Variants in SCARB1 observed in about 807,000 individuals in gnomAD.
SCARB1 encodes the protein scavenger receptor class B member 1, also known as CD36 and LIMPII analogous 1.
SCARB1 carries 30 observed loss-of-function variants against 57.2 expected under a neutral mutation model. The observed-to-expected ratio is 0.52, with a 90% CI of 0.39 to 0.71. SCARB1 has a LOEUF of 0.71. Ranked by LOEUF, SCARB1 falls within the 30% of genes least tolerant of loss-of-function variation. SCARB1 has a pLI of 0.00. For missense variants in SCARB1, 543 were observed against 671.2 expected (o/e 0.81, Z 2.11); for synonymous variants, 249 against 268.3 (o/e 0.93, Z 0.70).
intron 1 of SCARB1, among the ~76,000 whole-genome samples, chr12:124,828,811 C>A (rs983917708): frequency 6.6e-6 from 1 of 152,222 alleles, no homozygotes; most frequent in Admixed American, 6.5e-5. Flanking sequence ...AATTCCTCCT[C>A]CTATGAGAAG....
chr12:124,808,371 T>C (rs1594257381), intron 6 of SCARB1, among the ~76,000 whole-genome samples: 1 of 152,204 alleles, frequency 6.6e-6, no homozygotes, highest in South Asian at 2.1e-4. Context: ...TCTGTGACCC[T>C]TTCTAGTCTA....
intron 1 of SCARB1, among the ~76,000 whole-genome samples, chr12:124,824,329 C>T (rs1951058181): frequency 6.6e-6 from 1 of 152,130 alleles, no homozygotes; most frequent in African/African-American, 2.4e-5. Flanking sequence ...TACGAAATGC[C>T]CAGAATAGGC....
rs1451650591 is a variant in SCARB1 at position 124,814,857 on chromosome 12, T to C, written c.426+116A>G. On this transcript the variant is annotated intron_variant, in intron 3 of 12. Transcript: ENST00000261693. The surrounding 1 kb of genome is among the most constrained non-coding windows in gnomAD (Gnocchi z 4.7). ...AGGGCCGAAAGCCACCCACCAGGCG[T>C]GAGTCCCCACGCTCCGACCACCTCA... 129 of 1,362,642 alleles carry C rather than the reference T, an allele frequency of 9.5e-5. No individual in the cohort carries two copies. Among genetic ancestry groups the C allele is most frequent in the Non-Finnish European group, 1.3e-4 (126 of 976,568 alleles). The allele number at this position is 1,362,642 out of a possible 1,614,324, so 84.4% of individuals were successfully genotyped here. A position where few individuals can be genotyped will look rare whatever the true frequency, so the allele number is the denominator to read the frequency against.
chr12:124,794,884 C>A (rs1949887548), intron 9 of SCARB1, among the ~76,000 whole-genome samples: 1 of 152,084 alleles, frequency 6.6e-6, no homozygotes, highest in Non-Finnish European at 1.5e-5. Context: ...GAGCCAATAT[C>A]CCGCCCTTGC....
rs1372592824 is a variant in SCARB1 at position 124,859,371 on chromosome 12, C to CA, written c.126+4223dup. 9.0e-4 allele frequency among the ~76,000 whole-genome samples: 134 copies of CA among 148,508 alleles called. 1 individual carries two copies. The highest frequency in any genetic ancestry group is 2.7e-3 in the African/African-American group (108 of 40,596). On this transcript the variant is annotated intron_variant, in intron 1 of 12. Transcript: ENST00000261693. ...TGAAACCCCATCTCTACTAAAAATA[C>CA]AAAAAAAAAATTAGCTGGGTGTGGT...
Position 124,796,606 on chromosome 12 carries a change from C to G in SCARB1, c.1129-1338G>C, listed in dbSNP as rs184816116. 6.9e-4 allele frequency among the ~76,000 whole-genome samples: 105 copies of G among 152,292 alleles called. No homozygotes were observed. Among genetic ancestry groups the G allele is most frequent in the African/African-American group, 2.5e-3 (105 of 41,542 alleles). On this transcript the variant is annotated intron_variant, in intron 8 of 12. Coordinates refer to ENST00000261693, the MANE Select transcript of SCARB1 (RefSeq NM_005505.5). This position sits in a 1 kb window ranked among gnomAD's most constrained non-coding sequence, Gnocchi z 4.0. ...CTCTCCCGACCTGACAGAATTTTTG[C>G]AAGAGCAAAAGTAAGGTATGCAAGA...
chr12:124,863,533 C>G, intron 1 of SCARB1, 62 bp downstream of exon 1: 6 of 1,554,636 alleles, frequency 3.9e-6, no homozygotes, highest in Non-Finnish European at 5.2e-6. Context: ...CGGGTCCTCC[C>G]GGCGCCCAGC....
chr12:124,795,306 C>T (rs764640671), intron 8 of SCARB1, 38 bp from the exon 9 acceptor site: 3 of 1,554,788 alleles, frequency 1.9e-6, no homozygotes, highest in Non-Finnish European at 2.7e-6. Context: ...TGGCCACCCC[C>T]AAGCTCCAGG....
At chr12:124,837,472 AAAGG>A (rs199725164) in intron 1 of SCARB1, among the ~76,000 whole-genome samples, 12,123 of 72,440 alleles carry the variant, frequency 0.17, 860 homozygotes, top group Non-Finnish European at 0.25. Context: ...AGAAAGAAAG[AAAGG>A]AAGGAAGGAA....
At chr12:124,793,692 C>CAAAAAA (rs71092224) in intron 9 of SCARB1, among the ~76,000 whole-genome samples, 11 of 51,514 alleles carry the variant, frequency 2.1e-4, no homozygotes, top group African/African-American at 4.9e-4. Flanking sequence ...GACTCCGTCT[C>CAAAAAA]AAAAAAAAAA....
chr12:124,826,707 G>A (rs1271271151), intron 1 of SCARB1, among the ~76,000 whole-genome samples: 2 of 151,934 alleles, frequency 1.3e-5, no homozygotes, highest in Non-Finnish European at 2.9e-5. Context: ...AGATCCACTC[G>A]CTTCAGCCTC....
chr12:124,786,791 A>C (rs1949540952), intron 10 of SCARB1, among the ~76,000 whole-genome samples: 1 of 152,208 alleles, frequency 6.6e-6, no homozygotes, highest in African/African-American at 2.4e-5. Context: ...CTGCCACTGA[A>C]TGGAGGCTCT....
chr12:124,799,448 C>T (rs755743976), intron 8 of SCARB1, among the ~76,000 whole-genome samples: 39 of 152,002 alleles, frequency 2.6e-4, no homozygotes, highest in Non-Finnish European at 5.4e-4. Context: ...ATCACCTGAA[C>T]CCAGGGAGGT....
intron 11 of SCARB1, chr12:124,783,073 C>T (rs1057378107): frequency 1.3e-5 from 6 of 454,678 alleles, no homozygotes; most frequent in African/African-American, 3.9e-5. Flanking sequence ...TTTAAGCCAG[C>T]GAGGAAGCAA....
chr12:124,855,428 CT>C (rs1952587712), intron 1 of SCARB1, among the ~76,000 whole-genome samples: 1 of 152,208 alleles, frequency 6.6e-6, no homozygotes, highest in South Asian at 2.1e-4. Flanking sequence ...GAGCCAGCCC[CT>C]GGGCCCTTTA....
intron 8 of SCARB1, 87 bp from the exon 9 acceptor site, chr12:124,795,355 G>A (rs1010884296): frequency 1.8e-6 from 2 of 1,106,998 alleles, no homozygotes; most frequent in South Asian, 2.5e-5. Context: ...CCAGTCAAGA[G>A]GGTGGGCGTC....
At chr12:124,854,019 A>G (rs1407948779) in intron 1 of SCARB1, among the ~76,000 whole-genome samples, 2 of 152,218 alleles carry the variant, frequency 1.3e-5, no homozygotes, top group Non-Finnish European at 2.9e-5. Flanking sequence ...CGAATAACAC[A>G]AAGGTCCCTG....
chr12:124,847,667 G>A (rs1022133092), intron 1 of SCARB1, among the ~76,000 whole-genome samples: 3 of 152,208 alleles, frequency 2.0e-5, no homozygotes, highest in Admixed American at 1.3e-4. Context: ...ACACATCACC[G>A]CTCAAAGGCA....
chr12:124,862,073 C>T (rs1952924599), intron 1 of SCARB1, among the ~76,000 whole-genome samples: 1 of 152,218 alleles, frequency 6.6e-6, no homozygotes, highest in Admixed American at 6.5e-5. Flanking sequence ...GAGTGATAGC[C>T]CCTCTAGGGA....
Sources: gnomAD v4.1 joint callset for allele counts (sites outside exome capture counted in the v4.1 genomes callset) on GRCh38, gnomAD v4.1.1 for gene constraint, Gnocchi (gnomAD v3.1) non-coding constraint, MANE v1.5 for transcripts, NCBI Gene and HGNC (gene_info 2026-07-23, HGNC 2026-07-21) for gene names.